The following AKAP6 variants were observed in gnomAD, a reference collection of about 807,000 sequenced individuals.
The protein encoded by AKAP6 is A-kinase anchor protein 6.
Under a neutral mutation model 188.5 loss-of-function variants are expected in AKAP6, and 58 were observed. That is an observed-to-expected ratio of 0.31 (90% CI 0.25 to 0.38). The LOEUF is 0.38. AKAP6 is among the 10% of genes least tolerant of loss of function. The pLI is 1.00. For missense variants in AKAP6, 2,710 were observed against 2,740.0 expected, an observed-to-expected ratio of 0.99 and a Z score of 0.24; for synonymous variants, 989 against 998.6, an observed-to-expected ratio of 0.99 and a Z score of 0.18.
intron 1 of AKAP6, among the ~76,000 whole-genome samples, chr14:32,351,572 A>AC (rs1555320083): frequency 6.7e-6 from 1 of 150,040 alleles, no homozygotes; most frequent in Admixed American, 6.6e-5. Flanking sequence ...CAAAAAAAAA[A>AC]AAAACAAAAA....
rs563636220 is a variant in AKAP6, at chr14:32,522,365, G to C, written c.325-13189G>C. Among the ~76,000 whole-genome samples the C allele has an allele frequency of 7.9e-5, 12 of 152,230 alleles. No individual in the cohort carries two copies. The East Asian group carries it at 2.3e-3, about 29-fold the overall frequency. On this transcript the variant is annotated intron_variant, in intron 2 of 13. Transcript: ENST00000280979. The stretch of plus-strand genomic sequence containing the variant: ...GATCTAATTAAACTAAAGAGCTTCT[G>C]CACAGCAAAAGAAACTACCATCAGA...
At chr14:32,732,931 T>G (rs2031251350) in intron 10 of AKAP6, 1 of 474,470 alleles carries the variant, frequency 2.1e-6, no homozygotes, top group Non-Finnish European at 3.7e-6. Context: ...CATGCTTGAA[T>G]GAATGTTAAT....
chr14:32,673,123 G>A lies in AKAP6; in HGVS notation c.2731-5188G>A, dbSNP rs74041660. On this transcript the variant is annotated intron_variant, in intron 7 of 13. Transcript: ENST00000280979. ...CGCCCCTGAACAAATGAGTTACTCT[G>A]TCTATGAAGATATCTATCTGTTTCT... Among the ~76,000 whole-genome samples the A allele has an allele frequency of 6.0e-3, 909 of 152,272 alleles. 12 individuals are homozygous for A. Among genetic ancestry groups the A allele is most frequent in the African/African-American group, 0.021 (876 of 41,556 alleles).
intron 2 of AKAP6, among the ~76,000 whole-genome samples, chr14:32,436,033 A>C (rs531449805): frequency 1.8e-4 from 28 of 152,312 alleles, no homozygotes; most frequent in Non-Finnish European, 4.1e-4. Flanking sequence ...ACAGAGTTTT[A>C]TATGTGGAAA....
intron 8 of AKAP6, among the ~76,000 whole-genome samples, chr14:32,687,987 T>C (rs1890005834): frequency 6.6e-6 from 1 of 152,046 alleles, no homozygotes; most frequent in African/African-American, 2.4e-5. Context: ...GACCTAGACT[T>C]CGCTAATTTG....
chr14:32,610,574 TACA>T (rs768657738), intron 7 of AKAP6, among the ~76,000 whole-genome samples: 24 of 152,262 alleles, frequency 1.6e-4, no homozygotes, highest in Non-Finnish European at 2.9e-4. Context: ...GTGCGATGAA[TACA>T]AGAGATACAG....
At chr14:32,450,967 A>G (rs1437979072) in intron 2 of AKAP6, among the ~76,000 whole-genome samples, 8 of 152,176 alleles carry the variant, frequency 5.3e-5, no homozygotes, top group Non-Finnish European at 1.2e-4. Flanking sequence ...AAAATAACAA[A>G]ACGAGGAAAG....
intron 2 of AKAP6, among the ~76,000 whole-genome samples, chr14:32,522,709 T>C (rs575708556): frequency 3.0e-4 from 46 of 152,260 alleles, no homozygotes; most frequent in Admixed American, 9.8e-4. Flanking sequence ...GGAGAGGATG[T>C]GGAGAAATAG....
At chr14:32,510,434 A>ATG (rs71880805) in intron 2 of AKAP6, among the ~76,000 whole-genome samples, 2 of 97,122 alleles carry the variant, frequency 2.1e-5, no homozygotes, top group African/African-American at 8.8e-5. Flanking sequence ...ACATATATAT[A>ATG]TGTGTATATA....
chr14:32,729,826 A>G (rs572059723), intron 9 of AKAP6, among the ~76,000 whole-genome samples: 4 of 152,286 alleles, frequency 2.6e-5, no homozygotes, highest in Admixed American at 6.5e-5. Context: ...ATTTTTGCCT[A>G]TTGAAGAGTA....
chr14:32,577,810 G>A (rs529852951), intron 5 of AKAP6, among the ~76,000 whole-genome samples: 1 of 152,220 alleles, frequency 6.6e-6, no homozygotes, highest in African/African-American at 2.4e-5. Context: ...AAAACACTCA[G>A]ATGAATTTGC....
intron 11 of AKAP6, among the ~76,000 whole-genome samples, chr14:32,741,819 GTTTTTTT>G (rs34015837): frequency 7.1e-5 from 5 of 70,684 alleles, no homozygotes; most frequent in African/African-American, 2.7e-4. Context: ...TAGCCTGTAG[GTTTTTTT>G]TTTTTTTTTT....
At chr14:32,509,849 C>T (rs1378710678) in intron 2 of AKAP6, among the ~76,000 whole-genome samples, 10 of 152,102 alleles carry the variant, frequency 6.6e-5, no homozygotes, top group Non-Finnish European at 7.3e-5. Context: ...TTCAAGGGTC[C>T]GGTCATTCCA....
chr14:32,615,956 C>T (rs936034668), intron 7 of AKAP6, among the ~76,000 whole-genome samples: 3 of 152,166 alleles, frequency 2.0e-5, no homozygotes, highest in Non-Finnish European at 2.9e-5. Context: ...TTCACACTAA[C>T]GCTATTAAAA....
chr14:32,456,344 G>A (rs953640963), intron 2 of AKAP6, among the ~76,000 whole-genome samples: 7 of 151,918 alleles, frequency 4.6e-5, no homozygotes, highest in African/African-American at 1.7e-4. Context: ...TAGAAATATT[G>A]TCTTTAGGCC....
intron 11 of AKAP6, among the ~76,000 whole-genome samples, chr14:32,740,358 C>G (rs1361384619): frequency 2.0e-5 from 3 of 151,906 alleles, no homozygotes; most frequent in Non-Finnish European, 4.4e-5. Context: ...CTTTGCTATG[C>G]AGTAGCTTTT....
intron 12 of AKAP6, among the ~76,000 whole-genome samples, chr14:32,787,959 T>C (rs1281832935): frequency 1.3e-5 from 2 of 149,852 alleles, no homozygotes; most frequent in African/African-American, 4.9e-5. Flanking sequence ...GAGGACTGCT[T>C]GAGCCCAGGA....
chr14:32,503,072 C>G (rs1880684291), intron 2 of AKAP6, among the ~76,000 whole-genome samples: 1 of 152,056 alleles, frequency 6.6e-6, no homozygotes, highest in Non-Finnish European at 1.5e-5. Context: ...CTTAATAGTG[C>G]CTATTTCATG....
At chr14:32,366,620 A>G (rs1887843146) in intron 1 of AKAP6, among the ~76,000 whole-genome samples, 1 of 152,096 alleles carries the variant, frequency 6.6e-6, no homozygotes, top group African/African-American at 2.4e-5. Context: ...TGCATATTTT[A>G]TCTCTTGCTG....
Sources: gnomAD v4.1 joint callset for allele counts (sites outside exome capture counted in the v4.1 genomes callset) on GRCh38, gnomAD v4.1.1 for gene constraint, MANE v1.5 for transcripts, NCBI Gene and HGNC (gene_info 2026-07-23, HGNC 2026-07-21) for gene names.